SEC23A: variants seen among roughly 807,000 people sequenced by gnomAD.
SEC23A encodes the protein SEC23 homolog A, COPII component, also known as protein transport protein Sec23A.
SEC23A carries 56 observed loss-of-function variants against 103.7 expected under a neutral mutation model. The ratio of observed to expected loss-of-function variants is 0.54; its 90% CI spans 0.44 to 0.67. The LOEUF is 0.67. Among genes scored for constraint, SEC23A ranks in the 30% least tolerant of loss-of-function variants. The pLI is 0.00. For missense variants in SEC23A, 784 were observed against 936.4 expected, an observed-to-expected ratio of 0.84 and a Z score of 2.12; for synonymous variants, 281 against 293.0, an observed-to-expected ratio of 0.96 and a Z score of 0.42.
intron 9 of SEC23A, 28 bp downstream of exon 9, chr14:39,074,387 C>T (rs753424433): frequency 1.4e-6 from 2 of 1,421,872 alleles, no homozygotes; most frequent in Non-Finnish European, 2.0e-6. Flanking sequence ...CTTATAATTA[C>T]AAAAACTGTA....
At chr14:39,094,705 G>A (rs945560824) in intron 2 of SEC23A, among the ~76,000 whole-genome samples, 4 of 151,992 alleles carry the variant, frequency 2.6e-5, no homozygotes, top group African/African-American at 7.2e-5. Context: ...GCAATCATAC[G>A]AAAATATGGA....
Position 39,076,190 on chromosome 14 carries a change from T to C in SEC23A, c.829-97A>G, listed in dbSNP as rs1887011884. On this transcript the variant is annotated intron_variant, in intron 7 of 19. Coordinates refer to ENST00000307712, the MANE Select transcript of SEC23A (RefSeq NM_006364.4). ...ATTCCTTCTAAATAAGAGAAAAGCATATATTTTCTAAGAAATAAAATAATC... is the reference window on the plus strand; with the variant it reads ...ATTCCTTCTAAATAAGAGAAAAGCACATATTTTCTAAGAAATAAAATAATC... The C allele has an allele frequency of 3.2e-6, 3 of 936,006 alleles. No homozygotes were observed. The African/African-American group carries it at 5.0e-5, about 16-fold the overall frequency. The allele number at this position is 936,006 out of a possible 1,614,324, so 58.0% of individuals were successfully genotyped here.
rs756390255 is a variant in SEC23A, at chr14:39,032,966, AT to A, written c.*272del. On this transcript the variant is annotated 3_prime_UTR_variant, in exon 20 of 20. Transcript: ENST00000307712. The stretch of plus-strand genomic sequence containing the variant: ...ACATCTGTAGTACGAGGCAGACTCT[AT>A]TTTTTATTAAACATAATTAAGTTAT... 2.7e-6 allele frequency: 1 copy of A among 375,022 alleles called. No homozygotes were observed. Among genetic ancestry groups the A allele is most frequent in the South Asian group, 3.5e-5 (1 of 28,432 alleles). 23.2% of individuals were successfully genotyped at this position (375,022 alleles called of 1,614,324 possible).
chr14:39,083,159 G>A lies in SEC23A; in HGVS notation c.828+2603C>T, dbSNP rs550270390. On this transcript the variant is annotated intron_variant, in intron 7 of 19. Coordinates refer to ENST00000307712, the MANE Select transcript of SEC23A (RefSeq NM_006364.4). ...ATATCTGCAACTTAATCTTGTGAAA[G>A]GAAAGTAAGTCTTGGGACCCCAAAA... 2.6e-5 allele frequency among the ~76,000 whole-genome samples: 4 copies of A among 152,288 alleles called. No homozygotes were observed. The East Asian group carries it at 7.7e-4, about 29-fold the overall frequency.
intron 9 of SEC23A, among the ~76,000 whole-genome samples, chr14:39,068,906 T>A (rs79383871): frequency 0.015 from 2,219 of 152,318 alleles, 63 homozygotes; most frequent in African/African-American, 0.05. Context: ...TTTTAAATTT[T>A]TTAATGTTAC....
At chr14:39,095,842 A>C in intron 2 of SEC23A, 56 bp downstream of exon 2, 1 of 1,340,554 alleles carries the variant, frequency 7.5e-7, no homozygotes, top group Non-Finnish European at 1.1e-6. Context: ...ATGCAGAAAA[A>C]CCCCGACATT....
chr14:39,062,488 G>C (rs2139227055), intron 12 of SEC23A, among the ~76,000 whole-genome samples: 1 of 152,126 alleles, frequency 6.6e-6, no homozygotes, highest in East Asian at 1.9e-4. Context: ...AGGTATAGAA[G>C]ATGAAAGCAG....
intron 12 of SEC23A, among the ~76,000 whole-genome samples, chr14:39,063,085 G>T (rs1886533616): frequency 6.6e-6 from 1 of 152,128 alleles, no homozygotes; most frequent in African/African-American, 2.4e-5. Flanking sequence ...CAGACTAAAA[G>T]TTGGGCTACC....
chr14:39,064,021 G>C (rs1886570925), intron 11 of SEC23A, among the ~76,000 whole-genome samples: 1 of 151,474 alleles, frequency 6.6e-6, no homozygotes, highest in Non-Finnish European at 1.5e-5. Context: ...AAAAATAAAA[G>C]TATATGCTAT....
intron 14 of SEC23A, among the ~76,000 whole-genome samples, chr14:39,050,102 A>G (rs1886006124): frequency 6.6e-6 from 1 of 152,138 alleles, no homozygotes; most frequent in Admixed American, 6.5e-5. Flanking sequence ...AAAATGCTCT[A>G]GTATCAACTA....
At chr14:39,100,490 GC>G (rs1566519771) in intron 1 of SEC23A, among the ~76,000 whole-genome samples, 1 of 148,818 alleles carries the variant, frequency 6.7e-6, no homozygotes, top group African/African-American at 2.5e-5. Context: ...TCGGCTCACC[GC>G]AAACTCCTCC....
intron 17 of SEC23A, among the ~76,000 whole-genome samples, 180 bp downstream of exon 17, chr14:39,042,606 G>C (rs925295547): frequency 1.2e-4 from 19 of 152,096 alleles, no homozygotes; most frequent in African/African-American, 3.9e-4. Context: ...AATCACATGT[G>C]GGTCAACTGC....
At chr14:39,048,019 C>A (rs1405642371) in intron 15 of SEC23A, among the ~76,000 whole-genome samples, 2 of 152,138 alleles carry the variant, frequency 1.3e-5, no homozygotes, top group Non-Finnish European at 2.9e-5. Flanking sequence ...GGTAAAATAA[C>A]CTCAGATGAA....
chr14:39,100,708 C>A (rs1330140985), intron 1 of SEC23A, among the ~76,000 whole-genome samples: 3 of 152,038 alleles, frequency 2.0e-5, no homozygotes, highest in African/African-American at 7.3e-5. Flanking sequence ...CCACCATGCC[C>A]AGCCACAAAC....
chr14:39,049,859 C>T (rs1376688146), intron 14 of SEC23A, among the ~76,000 whole-genome samples: 1 of 151,180 alleles, frequency 6.6e-6, no homozygotes, highest in Non-Finnish European at 1.5e-5. Context: ...GTGGCGCGAT[C>T]TCGGTTCACT....
chr14:39,074,624 G>A, intron 8 of SEC23A, 94 bp from the exon 9 acceptor site: 1 of 704,422 alleles, frequency 1.4e-6, no homozygotes, highest in Non-Finnish European at 2.5e-6. Flanking sequence ...GACTAAAAGA[G>A]TAACTCATAA....
At chr14:39,057,459 G>A (rs1886288844) in intron 13 of SEC23A, among the ~76,000 whole-genome samples, 1 of 152,010 alleles carries the variant, frequency 6.6e-6, no homozygotes, top group Admixed American at 6.6e-5. Flanking sequence ...TCAAACTCCT[G>A]GGCTCCAGCA....
intron 1 of SEC23A, among the ~76,000 whole-genome samples, chr14:39,102,246 T>C (rs532588798): frequency 4.4e-4 from 66 of 151,108 alleles, no homozygotes; most frequent in South Asian, 6.3e-4. Context: ...AAAAAAAAAA[T>C]AGCTGGACTT....
intron 15 of SEC23A, among the ~76,000 whole-genome samples, chr14:39,046,125 C>T (rs543333340): frequency 6.6e-6 from 1 of 152,262 alleles, no homozygotes; most frequent in East Asian, 1.9e-4. Context: ...TTCCCCTTCG[C>T]TTTCCGCCAT....
Sources: gnomAD v4.1 joint callset for allele counts (sites outside exome capture counted in the v4.1 genomes callset) on GRCh38, gnomAD v4.1.1 for gene constraint, MANE v1.5 for transcripts, NCBI Gene and HGNC (gene_info 2026-07-23, HGNC 2026-07-21) for gene names.